Variants in CHRM5 observed in about 807,000 individuals in gnomAD.
The protein encoded by CHRM5 is muscarinic acetylcholine receptor M5.
Under a neutral mutation model 39.0 loss-of-function variants are expected in CHRM5, and 18 were observed. The ratio of observed to expected loss-of-function variants is 0.46; its 90% CI spans 0.32 to 0.68. The LOEUF is 0.68. Among genes scored for constraint, CHRM5 ranks in the 30% least tolerant of loss-of-function variants. The pLI, the probability that CHRM5 is intolerant of heterozygous loss-of-function variation, is 0.04. For synonymous variants in CHRM5, 241 were observed against 246.3 expected, an observed-to-expected ratio of 0.98 and a Z score of 0.20; for missense variants, 515 against 651.1, an observed-to-expected ratio of 0.79 and a Z score of 2.28.
At chr15:34,045,767 C>T (rs1440374776) in intron 1 of CHRM5, among the ~76,000 whole-genome samples, 1 of 151,752 alleles carries the variant, frequency 6.6e-6, no homozygotes. Flanking sequence ...CAAAAGTTGG[C>T]AAGTCCACTC....
In CHRM5 at chr15:34,006,389, T is replaced by C. The variant is rs753203; in HGVS notation, c.-408+37239T>C. On this transcript the variant is annotated intron_variant, in intron 1 of 2. Transcript: ENST00000383263. Reference sequence around the variant, plus strand: ...AGCTGAAAACACCAGCAGGGTTTTGTCTGGGAAAATTCAATATTCTTTTGT... The same window carrying C: ...AGCTGAAAACACCAGCAGGGTTTTGCCTGGGAAAATTCAATATTCTTTTGT... Among the ~76,000 whole-genome samples, 433 of 152,064 alleles carry C rather than the reference T, an allele frequency of 2.8e-3. 1 individual carries two copies. The highest frequency in any genetic ancestry group is 5.3e-3 in the Non-Finnish European group (362 of 68,000).
At chr15:33,980,189 G>T (rs1314508456) in intron 1 of CHRM5, among the ~76,000 whole-genome samples, 1 of 152,196 alleles carries the variant, frequency 6.6e-6, no homozygotes, top group Admixed American at 6.5e-5. Context: ...ACACATTAAA[G>T]TATGTAAGTA....
intron 1 of CHRM5, among the ~76,000 whole-genome samples, chr15:33,978,377 G>A (rs60044628): frequency 0.039 from 6,003 of 152,146 alleles, 414 homozygotes; most frequent in African/African-American, 0.14. Context: ...AAATTAAAGC[G>A]TACAGGCCGG....
intron 1 of CHRM5, among the ~76,000 whole-genome samples, chr15:34,006,779 TAGTA>T (rs1897368139): frequency 6.6e-6 from 1 of 151,664 alleles, no homozygotes; most frequent in Non-Finnish European, 1.5e-5. Flanking sequence ...CACAAGAGAG[TAGTA>T]AGAAGTAATA....
At chr15:34,005,140 T>C (rs1188593954) in intron 1 of CHRM5, among the ~76,000 whole-genome samples, 1 of 152,148 alleles carries the variant, frequency 6.6e-6, no homozygotes, top group Non-Finnish European at 1.5e-5. Context: ...TCTATGTATA[T>C]ATTTATATAT....
chr15:34,001,999 C>G (rs1043264548), intron 1 of CHRM5, among the ~76,000 whole-genome samples: 10 of 152,200 alleles, frequency 6.6e-5, no homozygotes, highest in Non-Finnish European at 1.2e-4. Context: ...AATTATTTAG[C>G]GACGTAATTG....
intron 2 of CHRM5, among the ~76,000 whole-genome samples, chr15:34,050,865 C>T (rs1242931630): frequency 6.6e-6 from 1 of 152,152 alleles, no homozygotes; most frequent in Non-Finnish European, 1.5e-5. Flanking sequence ...TTCTTAGAGA[C>T]CTACAAAGAG....
chr15:34,062,570 A>AAC (rs1246815451), intron 2 of CHRM5, 73 bp from the exon 3 acceptor site: 4 of 691,582 alleles, frequency 5.8e-6, no homozygotes, highest in East Asian at 5.7e-5. Context: ...AAAAAAAAAA[A>AAC]AAAACTATAA....
chr15:34,019,812 A>G (rs1898122697), intron 1 of CHRM5, among the ~76,000 whole-genome samples: 1 of 152,220 alleles, frequency 6.6e-6, no homozygotes, highest in Non-Finnish European at 1.5e-5. Flanking sequence ...AGTACCCTCT[A>G]TGGTATTGCA....
chr15:34,058,216 T>C (rs964924529), intron 2 of CHRM5, among the ~76,000 whole-genome samples: 14 of 152,306 alleles, frequency 9.2e-5, no homozygotes, highest in African/African-American at 3.1e-4. Context: ...GTATTAATCA[T>C]ATCTGAAAAT....
At chr15:33,983,855 C>CTGACA (rs1896303267) in intron 1 of CHRM5, among the ~76,000 whole-genome samples, 1 of 151,826 alleles carries the variant, frequency 6.6e-6, no homozygotes, top group Admixed American at 6.6e-5. Flanking sequence ...TTTGTGTCCA[C>CTGACA]TGACATGATC....
At chr15:34,049,409 A>G (rs1485433693) in intron 2 of CHRM5, among the ~76,000 whole-genome samples, 1 of 152,218 alleles carries the variant, frequency 6.6e-6, no homozygotes, top group Admixed American at 6.5e-5. Context: ...TTACAATGCA[A>G]TCACAAGTAT....
rs1597366797 is a variant in CHRM5 at position 34,026,336 on chromosome 15, T to C, written c.-407-20204T>C. On this transcript the variant is annotated intron_variant, in intron 1 of 2. Transcript: ENST00000383263. ...TTTTTCCTACTATGTGACAGCAAAA[T>C]AGATGAAGCTTTTAACCTCAGGGTG... is the stretch of plus-strand genomic sequence containing the variant. Among the ~76,000 whole-genome samples the C allele has an allele frequency of 4.6e-5, 7 of 152,160 alleles. No individual in the cohort carries two copies. The South Asian group carries it at 1.2e-3, about 27-fold the overall frequency.
intron 1 of CHRM5, among the ~76,000 whole-genome samples, chr15:33,985,646 G>GT (rs1262411815): frequency 6.6e-6 from 1 of 151,944 alleles, no homozygotes; most frequent in Non-Finnish European, 1.5e-5. Flanking sequence ...GCACTGTGTT[G>GT]TAGGCATTTC....
chr15:33,992,423 C>G (rs1896768281), intron 1 of CHRM5, among the ~76,000 whole-genome samples: 1 of 152,064 alleles, frequency 6.6e-6, no homozygotes, highest in South Asian at 2.1e-4. Flanking sequence ...AAATTAGGCC[C>G]AATATTCAAT....
In CHRM5 at chr15:34,062,214, AT is replaced by A. The variant is rs563798307; in HGVS notation, c.-75-428del. 3.9e-5 allele frequency among the ~76,000 whole-genome samples: 6 copies of A among 152,374 alleles called. No homozygotes were observed. In the South Asian group the frequency reaches 1.2e-3, roughly 32 times the overall value. On this transcript the variant is annotated intron_variant, in intron 2 of 2. Transcript: ENST00000383263. ...GTGATCAAACTTTAGAGATTTCAGC[AT>A]CTTGCTCTGAATATGTGTGCAGCCA...
chr15:34,023,973 A>G (rs1323732878), intron 1 of CHRM5, among the ~76,000 whole-genome samples: 1 of 152,234 alleles, frequency 6.6e-6, no homozygotes. Context: ...GATGTAAGCT[A>G]AACCTCTTCT....
chr15:33,986,423 A>T (rs1012192575), intron 1 of CHRM5, among the ~76,000 whole-genome samples: 46 of 151,978 alleles, frequency 3.0e-4, no homozygotes, highest in Non-Finnish European at 5.9e-4. Context: ...GTAAATTTTT[A>T]TAAACTCTGT....
chr15:33,981,079 C>T (rs1343770116), intron 1 of CHRM5, among the ~76,000 whole-genome samples: 3 of 54,364 alleles, frequency 5.5e-5, no homozygotes, highest in African/African-American at 8.5e-5. Context: ...CAACTTGATT[C>T]CAAGACTCCC....
Sources: gnomAD v4.1 joint callset for allele counts (sites outside exome capture counted in the v4.1 genomes callset) on GRCh38, gnomAD v4.1.1 for gene constraint, MANE v1.5 for transcripts, NCBI Gene and HGNC (gene_info 2026-07-23, HGNC 2026-07-21) for gene names.